The following SPG11 variants were observed in gnomAD, a reference collection of about 807,000 sequenced individuals.
SPG11 encodes the protein SPG11 vesicle trafficking associated, spatacsin.
Under a neutral mutation model 274.0 loss-of-function variants are expected in SPG11, and 222 were observed. The ratio of observed to expected loss-of-function variants is 0.81; its 90% CI spans 0.73 to 0.91. SPG11 has a LOEUF of 0.91. Ranked by LOEUF, SPG11 falls within the 40% of genes least tolerant of loss-of-function variation. The pLI, the probability that SPG11 is intolerant of heterozygous loss-of-function variation, is 0.00. For synonymous variants in SPG11, 1,144 were observed against 1,039.7 expected (o/e 1.10, Z -1.93); for missense variants, 3,114 against 2,872.7 (o/e 1.08, Z -1.92).
Position 44,566,199 on chromosome 15 carries a change from A to G in SPG11, c.6843+18T>C, listed in dbSNP as rs775948257. The G allele has an allele frequency of 1.2e-6, 2 of 1,613,854 alleles. No homozygotes were observed. Among genetic ancestry groups the G allele is most frequent in the Non-Finnish European group, 1.7e-6 (2 of 1,179,822 alleles). ...ACAGCAAGTCCCAAGGCCAGTCTGA[A>G]AAAAGCCTTTGGGTTACCTTGGCAT... On this transcript the variant is annotated intron_variant, in intron 37 of 39. Transcript: ENST00000261866.
At chr15:44,642,477 T>C (rs964423661) in intron 7 of SPG11, among the ~76,000 whole-genome samples, 1 of 151,486 alleles carries the variant, frequency 6.6e-6, no homozygotes, top group African/African-American at 2.4e-5. Flanking sequence ...TTCCATTTTA[T>C]GCAAAATTCA....
At chr15:44,591,626 A>G (rs1006537918) in intron 27 of SPG11, among the ~76,000 whole-genome samples, 3 of 152,234 alleles carry the variant, frequency 2.0e-5, no homozygotes, top group Admixed American at 6.5e-5. Flanking sequence ...AGGCATATTC[A>G]AATAACTGAT....
intron 35 of SPG11, 79 bp from the exon 36 acceptor site, chr15:44,567,671 C>T (rs1300885992): frequency 4.7e-6 from 7 of 1,477,826 alleles, no homozygotes; most frequent in Non-Finnish European, 6.6e-6. Flanking sequence ...TCACCTTGTT[C>T]TGCATTCCTT....
rs775521282 is a variant in SPG11, at chr15:44,608,393, T to C, written c.3453+51A>G. ...TGAAAGATCTAGAGTGATTTCTGTT[T>C]TCCTGGCTGAACTCTGATAGACCTA... On this transcript the variant is annotated intron_variant, in intron 19 of 39. Transcript: ENST00000261866. 6 of 1,585,300 alleles carry C rather than the reference T, an allele frequency of 3.8e-6. No homozygotes were observed. The South Asian group carries it at 6.6e-5, about 18-fold the overall frequency.
Position 44,595,402 on chromosome 15 carries a change from C to G in SPG11, c.4492G>C (p.Val1498Leu), listed in dbSNP as rs2083009417. Reference protein sequence around the residue: ...VWIITSVEDNVATEAMGHIQD... With the variant: ...VWIITSVEDNLATEAMGHIQD... The stretch of plus-strand genomic sequence containing the variant: ...ATGTGTCCCATTGCTTCAGTTGCAA[C>G]ATTGTCCTCCACAGAAGTGATGATC... Residue 1498 changes from valine (V) to leucine (L), a missense_variant, in exon 26 of 40, where the codon GTT becomes CTT. Transcript: ENST00000261866. The G allele has an allele frequency of 6.2e-7, 1 of 1,614,214 alleles. No homozygotes were observed.
At chr15:44,592,748 A>T (rs1479890190) in intron 26 of SPG11, among the ~76,000 whole-genome samples, 1 of 152,136 alleles carries the variant, frequency 6.6e-6, no homozygotes, top group Non-Finnish European at 1.5e-5. Context: ...TGAACCTGGG[A>T]GGTGGAGGTT....
At chr15:44,601,880 C>T (rs1478246382) in intron 20 of SPG11, among the ~76,000 whole-genome samples, 1 of 152,114 alleles carries the variant, frequency 6.6e-6, no homozygotes, top group Non-Finnish European at 1.5e-5. Context: ...CCGCGCCCAG[C>T]CCACCCAGCC....
intron 7 of SPG11, among the ~76,000 whole-genome samples, chr15:44,641,278 T>C (rs1161986198): frequency 6.6e-6 from 1 of 151,858 alleles, no homozygotes; most frequent in Non-Finnish European, 1.5e-5. Context: ...AAATTCATAA[T>C]TGAAAAACTT....
At chr15:44,640,137 G>A (rs926821128) in intron 7 of SPG11, among the ~76,000 whole-genome samples, 2 of 152,170 alleles carry the variant, frequency 1.3e-5, no homozygotes, top group African/African-American at 2.4e-5. Context: ...TTGAACCCAG[G>A]AGATGGAGAT....
At chr15:44,638,433 C>A (rs946770832) in intron 7 of SPG11, among the ~76,000 whole-genome samples, 1 of 151,930 alleles carries the variant, frequency 6.6e-6, no homozygotes, top group African/African-American at 2.4e-5. Flanking sequence ...TGCACTCCAG[C>A]CTGGGCGACA....
intron 6 of SPG11, among the ~76,000 whole-genome samples, chr15:44,651,082 G>C (rs1016902958): frequency 1.3e-5 from 2 of 152,114 alleles, no homozygotes; most frequent in Non-Finnish European, 2.9e-5. Context: ...CTGGAAATTA[G>C]AATTTGTGTG....
rs764010121 is a variant in SPG11, at chr15:44,652,219, G to A, written c.917C>T (p.Pro306Leu). Residue 306 changes from proline (P) to leucine (L), a missense_variant, in exon 5 of 40, where the codon CCT becomes CTT. Pro to Leu is a moderately conservative substitution (Grantham distance 98, BLOSUM62 -3). Transcript: ENST00000261866. ...ATCTACGCCCTTAGGTCCTTGAATAGGAAGATCTTCTAGTATTCTTTCACA... is the reference window on the plus strand; with the variant it reads ...ATCTACGCCCTTAGGTCCTTGAATAAGAAGATCTTCTAGTATTCTTTCACA... ...LLCERILEDL[P>L]IQGPKGVDED... is the part of the protein sequence containing the mutation. 2 of 1,614,068 alleles carry A rather than the reference G, an allele frequency of 1.2e-6. No individual in the cohort carries two copies. Among genetic ancestry groups the A allele is most frequent in the Admixed American group, 1.7e-5 (1 of 60,014 alleles).
chr15:44,609,895 A>ATTTTTTTTT (rs771457335), intron 18 of SPG11, among the ~76,000 whole-genome samples: 2 of 106,116 alleles, frequency 1.9e-5, no homozygotes, highest in African/African-American at 3.9e-5. Flanking sequence ...TGCCCAGCTA[A>ATTTTTTTTT]TTTTTTTTTT....
chr15:44,650,101 T>C (rs1420066982), intron 6 of SPG11, among the ~76,000 whole-genome samples: 1 of 152,190 alleles, frequency 6.6e-6, no homozygotes, highest in Non-Finnish European at 1.5e-5. Flanking sequence ...AATCACAACA[T>C]TCAATACCTT....
In SPG11 at chr15:44,659,317, G is replaced by C; in HGVS notation, c.443-14C>G. 6.3e-7 allele frequency: 1 copy of C among 1,599,016 alleles called. No homozygotes were observed. The highest frequency in any genetic ancestry group is 1.1e-5 in the South Asian group (1 of 90,608). On this transcript the variant is annotated splice_polypyrimidine_tract_variant and intron_variant, in intron 2 of 39. Coordinates refer to ENST00000261866, the MANE Select transcript of SPG11 (RefSeq NM_025137.4). The stretch of plus-strand genomic sequence containing the variant: ...ATAAGGAAATACCTACAAAACAAAA[G>C]GATATTATTTCAAACTCATTGGTCA...
chr15:44,592,197 T>C (rs944832294), intron 27 of SPG11, 134 bp downstream of exon 27: 8 of 687,416 alleles, frequency 1.2e-5, no homozygotes, highest in Non-Finnish European at 1.9e-5. Context: ...AGTTCAAGGC[T>C]GTAGTGAGCT....
chr15:44,659,029 G>A (rs768093510), intron 3 of SPG11, 50 bp downstream of exon 3: 2 of 1,551,828 alleles, frequency 1.3e-6, no homozygotes, highest in Non-Finnish European at 1.8e-6. Context: ...CATCTTTATA[G>A]GTGTTCTTCT....
intron 7 of SPG11, among the ~76,000 whole-genome samples, chr15:44,637,931 T>G (rs905420620): frequency 6.6e-6 from 1 of 152,148 alleles, no homozygotes; most frequent in Non-Finnish European, 1.5e-5. Context: ...TGGGACAAGA[T>G]GTAGAGGTGG....
intron 15 of SPG11, among the ~76,000 whole-genome samples, chr15:44,616,789 T>C (rs1295572294): frequency 1.3e-5 from 2 of 152,230 alleles, no homozygotes; most frequent in African/African-American, 4.8e-5. Context: ...TAAGCATAGA[T>C]GCAAACTCCC....
Sources: allele counts gnomAD v4.1 joint callset (sites outside exome capture counted in the v4.1 genomes callset), GRCh38; gene constraint gnomAD v4.1.1; transcripts MANE v1.5; gene names NCBI Gene and HGNC (gene_info 2026-07-23, HGNC 2026-07-21).